Variants in PTPRZ1 observed in about 807,000 individuals in gnomAD.
The protein encoded by PTPRZ1 is receptor-type tyrosine-protein phosphatase zeta.
Under a neutral mutation model 214.1 loss-of-function variants are expected in PTPRZ1, and 82 were observed. That is an observed-to-expected ratio of 0.38 (90% CI 0.32 to 0.46). The LOEUF is 0.46. Ranked by LOEUF, PTPRZ1 falls within the 20% of genes least tolerant of loss-of-function variation. The probability of loss-of-function intolerance (pLI) is 1.00; values close to 1 mark genes in which losing one functional copy is unlikely to be tolerated. For missense variants in PTPRZ1, 2,603 were observed against 2,748.7 expected (o/e 0.95, Z 1.19); for synonymous variants, 945 against 987.9 (o/e 0.96, Z 0.81).
At chr7:121,916,671 ATGAGCATCTT>A (rs1233242041) in intron 1 of PTPRZ1, among the ~76,000 whole-genome samples, 1 of 152,222 alleles carries the variant, frequency 6.6e-6, no homozygotes, top group Non-Finnish European at 1.5e-5. Context: ...AGGCTACCTA[ATGAGCATCTT>A]TGAGCATCTG....
chr7:121,947,885 C>T (rs1796432969), intron 2 of PTPRZ1, among the ~76,000 whole-genome samples: 1 of 152,100 alleles, frequency 6.6e-6, no homozygotes, highest in Non-Finnish European at 1.5e-5. Context: ...CAAACTGGGA[C>T]ACATGAAATG....
intron 2 of PTPRZ1, among the ~76,000 whole-genome samples, chr7:121,943,409 C>T (rs1796285102): frequency 1.3e-5 from 2 of 152,118 alleles, no homozygotes. Flanking sequence ...GATCTCGGCT[C>T]ACTGCAAGCT....
intron 2 of PTPRZ1, among the ~76,000 whole-genome samples, chr7:121,966,217 T>C (rs1289425474): frequency 1.3e-5 from 2 of 152,182 alleles, no homozygotes; most frequent in South Asian, 2.1e-4. Flanking sequence ...GCCTTTTAGG[T>C]TCCCAGTAGA....
intron 6 of PTPRZ1, among the ~76,000 whole-genome samples, chr7:121,981,071 G>A (rs911050946): frequency 5.9e-5 from 9 of 151,972 alleles, no homozygotes; most frequent in South Asian, 4.2e-4. Context: ...GAACCCTGGG[G>A]GGCGGAGCCT....
intron 2 of PTPRZ1, among the ~76,000 whole-genome samples, chr7:121,938,303 T>C (rs7794741): frequency 0.62 from 93,988 of 152,066 alleles, 29,638 homozygotes; most frequent in African/African-American, 0.73. Context: ...TATAGCCAAA[T>C]AGGTACAACC....
intron 18 of PTPRZ1, among the ~76,000 whole-genome samples, chr7:122,037,271 T>C (rs1799577176): frequency 1.4e-5 from 2 of 146,836 alleles, no homozygotes; most frequent in Middle Eastern, 3.8e-3. Flanking sequence ...TGAGACTCCG[T>C]CTCAGAAAAA....
At chr7:121,960,323 G>T (rs934657289) in intron 2 of PTPRZ1, among the ~76,000 whole-genome samples, 1 of 152,170 alleles carries the variant, frequency 6.6e-6, no homozygotes, top group Non-Finnish European at 1.5e-5. Flanking sequence ...TTACAGGTGT[G>T]AGCCACCCAC....
In PTPRZ1 at chr7:122,031,496, A is replaced by G; in HGVS notation, c.5103A>G (p.Ile1701Met). Residue 1701 changes from isoleucine (I) to methionine (M), a missense_variant, in exon 15 of 30, where the codon ATA becomes ATG. Physicochemically the swap from Ile to Met is conservative, Grantham distance 10. This residue lies in a region of PTPRZ1 where 1,913 missense variants were observed against 1,914.3 expected (regional missense o/e 1.00). Coordinates refer to ENST00000393386, the MANE Select transcript of PTPRZ1 (RefSeq NM_002851.3). ...PISDDVGAIP[I>M]KHFPKHVADL... ...TAGATGATGTCGGAGCAATTCCAAT[A>G]AAGCACTTTCCAAAGCATGTTGCAG... is the stretch of plus-strand genomic sequence containing the variant. The G allele has an allele frequency of 3.1e-6, 5 of 1,611,474 alleles. No homozygotes were observed. In the Middle Eastern group the frequency reaches 6.6e-4, roughly 214 times the overall value.
chr7:121,965,643 C>T (rs532114999), intron 2 of PTPRZ1, among the ~76,000 whole-genome samples: 7 of 152,234 alleles, frequency 4.6e-5, no homozygotes, highest in East Asian at 1.9e-4. Flanking sequence ...ATCAAGGAAG[C>T]GACTCTCTCT....
Position 122,010,621 on chromosome 7 carries a change from A to T in PTPRZ1, c.1575A>T (p.Glu525Asp), listed in dbSNP as rs1387163393. The T allele has an allele frequency of 2.5e-6, 4 of 1,613,500 alleles. No individual in the cohort carries two copies. Among genetic ancestry groups the T allele is most frequent in the Non-Finnish European group, 3.4e-6 (4 of 1,179,504 alleles). Reference protein sequence around the residue: ...DISLTSQTVTELPPHTVEGTS... With the variant: ...DISLTSQTVTDLPPHTVEGTS... ...CCTTGACTTCTCAGACTGTGACTGA[A>T]CTGCCACCTCACACTGTGGAAGGTA... Residue 525 changes from glutamate (E) to aspartate (D), a missense_variant, in exon 12 of 30, where the codon GAA (glutamate) becomes GAT (aspartate). Transcript: ENST00000393386.
At chr7:121,937,853 C>T (rs755357480) in intron 2 of PTPRZ1, among the ~76,000 whole-genome samples, 4 of 152,118 alleles carry the variant, frequency 2.6e-5, no homozygotes, top group Non-Finnish European at 4.4e-5. Flanking sequence ...GATCGGATTC[C>T]ATTAATGCCG....
At chr7:121,884,144 T>C (rs1360259583) in intron 1 of PTPRZ1, among the ~76,000 whole-genome samples, 2 of 152,184 alleles carry the variant, frequency 1.3e-5, no homozygotes, top group African/African-American at 4.8e-5. Context: ...AACTTTTGTC[T>C]ATTTTAAAAG....
At chr7:121,941,267 G>A (rs1381180906) in intron 2 of PTPRZ1, among the ~76,000 whole-genome samples, 4 of 152,198 alleles carry the variant, frequency 2.6e-5, no homozygotes, top group Non-Finnish European at 4.4e-5. Context: ...GCAGAAGACT[G>A]GAAACTTGGA....
At chr7:121,928,490 T>A (rs1425735132) in intron 2 of PTPRZ1, among the ~76,000 whole-genome samples, 1 of 152,140 alleles carries the variant, frequency 6.6e-6, no homozygotes, top group Admixed American at 6.5e-5. Flanking sequence ...AGAAATAACA[T>A]AACCTGGGGC....
At position 121,997,944 on chromosome 7, in the gene PTPRZ1, C is replaced by A. The variant is rs753192298; in HGVS notation, c.1178C>A (p.Thr393Asn). The change falls in exon 10 of 30, where the codon ACT becomes AAT. Residue 393 changes from threonine (T) to asparagine (N), a missense_variant. Physicochemically the swap from Thr to Asn is moderately conservative, Grantham distance 65. Around this residue, in one of 6 missense-constraint regions of PTPRZ1, gnomAD observed 244 missense variants for 333.2 expected, o/e 0.73. Transcript: ENST00000393386. ...GTTCTTCAGATAGTAGCCATATGCACTAATGGCTTATATGGAAAATACAGC... is the reference window on the plus strand; with the variant it reads ...GTTCTTCAGATAGTAGCCATATGCAATAATGGCTTATATGGAAAATACAGC... Reference protein sequence around the residue: ...SYVLQIVAICTNGLYGKYSDQ... With the variant: ...SYVLQIVAICNNGLYGKYSDQ... 6.2e-7 allele frequency: 1 copy of A among 1,612,950 alleles called. No homozygotes were observed. The highest frequency in any genetic ancestry group is 1.7e-5 in the Admixed American group (1 of 59,962).
Position 121,997,869 on chromosome 7 carries a change from C to T in PTPRZ1, c.1114-11C>T. 1 of 1,596,458 alleles carries T rather than the reference C, an allele frequency of 6.3e-7. No homozygotes were observed. The highest frequency in any genetic ancestry group is 8.6e-7 in the Non-Finnish European group (1 of 1,167,866). ...ATAACATTTGTATAATTACTAACAT[C>T]TTTCTTTTAGGGTGCTATTCTCAAT... On this transcript the variant is annotated splice_polypyrimidine_tract_variant and intron_variant, in intron 9 of 29. Coordinates refer to ENST00000393386, the MANE Select transcript of PTPRZ1 (RefSeq NM_002851.3).
chr7:122,005,520 C>G (rs1298947128), intron 11 of PTPRZ1, among the ~76,000 whole-genome samples: 2 of 151,816 alleles, frequency 1.3e-5, no homozygotes, highest in Non-Finnish European at 2.9e-5. Flanking sequence ...TGGCTAGTCT[C>G]TCTTACAAGG....
At chr7:121,998,429 T>C (rs974284006) in intron 10 of PTPRZ1, among the ~76,000 whole-genome samples, 2 of 152,184 alleles carry the variant, frequency 1.3e-5, no homozygotes, top group African/African-American at 4.8e-5. Context: ...TACTTTCAAA[T>C]ATCTATACAA....
intron 10 of PTPRZ1, among the ~76,000 whole-genome samples, chr7:121,999,674 C>A (rs1472950043): frequency 1.3e-5 from 2 of 152,060 alleles, no homozygotes; most frequent in Non-Finnish European, 2.9e-5. Context: ...TACACTGTTT[C>A]CTATTTTATT....
Sources: allele counts gnomAD v4.1 joint callset (sites outside exome capture counted in the v4.1 genomes callset), GRCh38; gene constraint gnomAD v4.1.1; regional missense constraint gnomAD v4.1.1; transcripts MANE v1.5; gene names NCBI Gene and HGNC (gene_info 2026-07-23, HGNC 2026-07-21).